The following MPPED2 variants were observed in gnomAD, a reference collection of about 807,000 sequenced individuals.
The protein encoded by MPPED2 is metallophosphoesterase domain containing 2.
In MPPED2, 5 loss-of-function variants were observed where a neutral mutation model predicts 33.0. That is an observed-to-expected ratio of 0.15 (90% CI 0.08 to 0.32). MPPED2 has a LOEUF of 0.32. MPPED2 is among the 10% of genes least tolerant of loss of function. The probability of loss-of-function intolerance (pLI) is 1.00; values close to 1 mark genes in which losing one functional copy is unlikely to be tolerated. For synonymous variants in MPPED2, 136 were observed against 141.9 expected, an observed-to-expected ratio of 0.96 and a Z score of 0.29; for missense variants, 275 against 372.1, an observed-to-expected ratio of 0.74 and a Z score of 2.15.
At chr11:30,529,964 C>T (rs1954425829) in intron 3 of MPPED2, among the ~76,000 whole-genome samples, 1 of 152,128 alleles carries the variant, frequency 6.6e-6, no homozygotes, top group Admixed American at 6.5e-5. Flanking sequence ...TATTAAATGA[C>T]AATCCAGACC....
At chr11:30,583,455 T>G (rs745793720) in intron 1 of MPPED2, among the ~76,000 whole-genome samples, 1 of 152,094 alleles carries the variant, frequency 6.6e-6, no homozygotes, top group Non-Finnish European at 1.5e-5. Flanking sequence ...GGACGAAATA[T>G]CAAGAAGCCG....
At chr11:30,565,085 C>T (rs983932061) in intron 2 of MPPED2, among the ~76,000 whole-genome samples, 1 of 152,176 alleles carries the variant, frequency 6.6e-6, no homozygotes, top group Admixed American at 6.5e-5. Context: ...GAAATCCCCA[C>T]ATATATTGTG....
chr11:30,489,261 A>G (rs1042371715), intron 4 of MPPED2, among the ~76,000 whole-genome samples: 4 of 152,218 alleles, frequency 2.6e-5, no homozygotes, highest in Non-Finnish European at 5.9e-5. Flanking sequence ...TACAAAACTT[A>G]TAATTGGAAA....
At chr11:30,405,180 A>G (rs1042343646) in intron 6 of MPPED2, among the ~76,000 whole-genome samples, 1 of 152,236 alleles carries the variant, frequency 6.6e-6, no homozygotes, top group African/African-American at 2.4e-5. Flanking sequence ...TGGTGAGCCC[A>G]TGCAAACAGG....
chr11:30,526,356 A>T (rs16920880), intron 3 of MPPED2, among the ~76,000 whole-genome samples: 1 of 151,950 alleles, frequency 6.6e-6, no homozygotes, highest in African/African-American at 2.4e-5. Context: ...AGAAAAAAGG[A>T]CCCTAAGTGG....
intron 4 of MPPED2, among the ~76,000 whole-genome samples, chr11:30,452,597 G>A (rs1376797720): frequency 6.6e-6 from 1 of 152,164 alleles, no homozygotes; most frequent in East Asian, 1.9e-4. Context: ...TGGGGGTAAG[G>A]TATGTACTGC....
chr11:30,530,310 T>C (rs1377605733), intron 3 of MPPED2, among the ~76,000 whole-genome samples: 4 of 152,222 alleles, frequency 2.6e-5, no homozygotes, highest in Non-Finnish European at 4.4e-5. Context: ...AAAAAACATC[T>C]TGTACCTTTA....
intron 4 of MPPED2, among the ~76,000 whole-genome samples, chr11:30,426,333 G>C (rs1948836359): frequency 6.6e-6 from 1 of 152,210 alleles, no homozygotes; most frequent in Admixed American, 6.5e-5. Flanking sequence ...GCATGTGTTA[G>C]AAATTCATTC....
intron 4 of MPPED2, among the ~76,000 whole-genome samples, chr11:30,455,759 A>G (rs1031379684): frequency 1.3e-5 from 2 of 152,192 alleles, no homozygotes; most frequent in African/African-American, 4.8e-5. Flanking sequence ...TTGGCTTAAC[A>G]TGATGAGGTA....
chr11:30,546,559 T>A (rs1955435104), intron 2 of MPPED2, among the ~76,000 whole-genome samples: 1 of 152,228 alleles, frequency 6.6e-6, no homozygotes, highest in Admixed American at 6.5e-5. Context: ...TTTAGTTAAT[T>A]GTGCTTATTG....
chr11:30,517,728 C>T (rs1953613588), intron 3 of MPPED2, among the ~76,000 whole-genome samples: 1 of 151,928 alleles, frequency 6.6e-6, no homozygotes, highest in African/African-American at 2.4e-5. Flanking sequence ...ACCCCTCTGG[C>T]CCTGATGAAA....
At chr11:30,532,477 T>C (rs574019014) in intron 3 of MPPED2, among the ~76,000 whole-genome samples, 87 of 152,322 alleles carry the variant, frequency 5.7e-4, no homozygotes, top group African/African-American at 2.1e-3. Context: ...TGGGATTCTA[T>C]GCCACTGGCT....
At chr11:30,539,326 C>T (rs1954976429) in intron 2 of MPPED2, among the ~76,000 whole-genome samples, 1 of 152,148 alleles carries the variant, frequency 6.6e-6, no homozygotes, top group Non-Finnish European at 1.5e-5. Flanking sequence ...AACATTTCCC[C>T]TAAGGCATCG....
chr11:30,401,715 T>A (rs1037346160), intron 6 of MPPED2, among the ~76,000 whole-genome samples: 2 of 152,162 alleles, frequency 1.3e-5, no homozygotes, highest in African/African-American at 4.8e-5. Context: ...TCTCGCTCTG[T>A]CACCCAGCAC....
chr11:30,540,452 A>G (rs1371242318), intron 2 of MPPED2, among the ~76,000 whole-genome samples: 1 of 152,200 alleles, frequency 6.6e-6, no homozygotes, highest in African/African-American at 2.4e-5. Flanking sequence ...TATGAGAATA[A>G]AAAATGATAA....
intron 2 of MPPED2, among the ~76,000 whole-genome samples, chr11:30,559,784 C>T (rs1459834788): frequency 6.6e-6 from 1 of 152,132 alleles, no homozygotes; most frequent in Non-Finnish European, 1.5e-5. Flanking sequence ...TTGTATCAAG[C>T]ACCTACACTG....
At chr11:30,392,251 AAG>A (rs1947788582) in intron 6 of MPPED2, among the ~76,000 whole-genome samples, 1 of 152,200 alleles carries the variant, frequency 6.6e-6, no homozygotes, top group African/African-American at 2.4e-5. Flanking sequence ...AAGCCACAAA[AAG>A]AATAAGCCTT....
chr11:30,579,910 G>A (rs575861257), intron 2 of MPPED2, among the ~76,000 whole-genome samples: 1 of 151,994 alleles, frequency 6.6e-6, no homozygotes, highest in South Asian at 2.1e-4. Context: ...AATTGAACTA[G>A]GGGTCAGGAG....
intron 4 of MPPED2, chr11:30,441,487 C>T (rs1949569756): frequency 1.3e-5 from 2 of 152,122 alleles, no homozygotes; most frequent in Non-Finnish European, 2.9e-5. Flanking sequence ...TCCATGAAAC[C>T]AATCACTTAG....
Sources: gnomAD v4.1 joint callset for allele counts (sites outside exome capture counted in the v4.1 genomes callset) on GRCh38, gnomAD v4.1.1 for gene constraint, MANE v1.5 for transcripts, NCBI Gene and HGNC (gene_info 2026-07-23, HGNC 2026-07-21) for gene names.